Variants in IKBKE observed in about 807,000 individuals in gnomAD.
The protein encoded by IKBKE is inhibitor of nuclear factor kappa B kinase subunit epsilon.
In IKBKE, 45 loss-of-function variants were observed where a neutral mutation model predicts 92.1. That is an observed-to-expected ratio of 0.49 (90% confidence interval 0.38 to 0.63). The LOEUF (loss-of-function observed/expected upper bound fraction) is 0.63. Ranked by LOEUF, IKBKE falls within the 20% of genes least tolerant of loss-of-function variation. The pLI is 0.00. For synonymous variants in IKBKE, 374 were observed against 380.3 expected (o/e 0.98, Z 0.19); for missense variants, 700 against 932.8 (o/e 0.75, Z 3.25).
In IKBKE at chr1:206,493,051, C is replaced by T. The variant is rs367815847; in HGVS notation, c.1864C>T (p.Arg622Cys). 27 of 1,581,672 alleles carry T rather than the reference C, an allele frequency of 1.7e-5. No individual in the cohort carries two copies. The highest frequency in any genetic ancestry group is 3.4e-5 in the South Asian group (3 of 87,306). The part of the protein sequence containing the change: ...RVVHETRNHL[R>C]LVGCSVAACN... The stretch of plus-strand genomic sequence containing the variant: ...GGTGCACGAGACCAGGAACCACCTG[C>T]GCCTGGTTGGCTGTTCTGTGGCTGC... Residue 622 changes from arginine (R) to cysteine (C), a missense_variant, in exon 19 of 22, where the codon CGC (arginine) becomes TGC (cysteine). Physicochemically the swap from Arg to Cys is radical, Grantham distance 180 (BLOSUM62 -3). Transcript: ENST00000581977.
chr1:206,474,918 G>A lies in IKBKE; in HGVS notation c.282G>A (p.Leu94=), dbSNP rs782599155. 6.2e-7 allele frequency: 1 copy of A among 1,614,118 alleles called. No homozygotes were observed. Among genetic ancestry groups the A allele is most frequent in the Non-Finnish European group, 8.5e-7 (1 of 1,179,980 alleles). Residue 94 remains leucine (L), a synonymous_variant, in exon 5 of 22, where the codon CTG becomes CTA. Transcript: ENST00000581977. ...LVMEYCSSGS[L]LSVLESPENA... ...TGGAGTACTGCTCCAGTGGGAGCCT[G>A]CTGAGTGTGCTGGAGAGCCCTGAGA...
At chr1:206,480,341 G>C in intron 12 of IKBKE, 106 bp from the exon 13 acceptor site, 4 of 976,210 alleles carry the variant, frequency 4.1e-6, no homozygotes, top group Non-Finnish European at 6.3e-6. Context: ...CAGGCCAGAG[G>C]GGGAGGCCGG....
At chr1:206,480,926 A>G (rs2151222) in intron 13 of IKBKE, among the ~76,000 whole-genome samples, 43,073 of 152,096 alleles carry the variant, frequency 0.28, 6,664 homozygotes, top group East Asian at 0.63. Flanking sequence ...GGATGTGACC[A>G]GGGATGGAGA....
chr1:206,480,584 C>T (rs782702523), intron 13 of IKBKE, 51 bp downstream of exon 13: 1 of 1,302,322 alleles, frequency 7.7e-7, no homozygotes, highest in African/African-American at 1.5e-5. Flanking sequence ...GCCTTGTCTG[C>T]TCCTCACCCT....
intron 21 of IKBKE, 55 bp downstream of exon 21, chr1:206,494,046 C>T: frequency 1.0e-5 from 15 of 1,502,724 alleles, no homozygotes; most frequent in Non-Finnish European, 1.3e-5. Flanking sequence ...CTACCCTTGC[C>T]TGGGGGTGGT....
rs782568009 is a variant in IKBKE, at chr1:206,493,359, C to A, written c.2026C>A (p.Arg676=). 1.9e-6 allele frequency: 3 copies of A among 1,613,462 alleles called. No homozygotes were observed. Among genetic ancestry groups the A allele is most frequent in the Admixed American group, 3.3e-5 (2 of 60,030 alleles). ...CATAGCTCCTTACCCCAGCCCTACA[C>A]GAAAGGACCTGCTTCTCCAGTAAGT... ...PPIAPYPSPT[R]KDLLLHMQEL... is the part of the protein sequence containing the mutation. The change falls in exon 20 of 22, where the codon CGA becomes AGA. Residue 676 remains arginine (R), a synonymous_variant. Coordinates refer to ENST00000581977, the MANE Select transcript of IKBKE (RefSeq NM_014002.4).
At position 206,474,309 on chromosome 1, in the gene IKBKE, A is replaced by T. The variant is rs201633727; in HGVS notation, c.88-22A>T. The T allele has an allele frequency of 9.5e-5, 153 of 1,605,082 alleles. No individual in the cohort carries two copies. In the Middle Eastern group the frequency reaches 4.1e-3, roughly 43 times the overall value. On this transcript the variant is annotated intron_variant, in intron 3 of 21. Transcript: ENST00000581977. ...ATGTGCTAATCCCATGCTGTCTCCC[A>T]CTGCTCCCTCCCCAATGGCAGAAAT... is the stretch of plus-strand genomic sequence containing the variant.
At chr1:206,492,355 C>T (rs1403192263) in intron 18 of IKBKE, 4 of 428,038 alleles carry the variant, frequency 9.3e-6, no homozygotes, top group African/African-American at 4.1e-5. Flanking sequence ...GACAATTTCC[C>T]ACGTGCTACC....
intron 7 of IKBKE, among the ~76,000 whole-genome samples, chr1:206,477,216 C>T (rs1268384831): frequency 6.6e-6 from 1 of 152,110 alleles, no homozygotes; most frequent in South Asian, 2.1e-4. Context: ...TTTGTGCCAT[C>T]GGACAGGGAA....
rs1558473842 is a variant in IKBKE at position 206,476,019 on chromosome 1, GC to G, written c.359-158del. Among the ~76,000 whole-genome samples, 3 of 151,940 alleles carry G rather than the reference GC, an allele frequency of 2.0e-5. No individual in the cohort carries two copies. Among genetic ancestry groups the G allele is most frequent in the African/African-American group, 7.3e-5 (3 of 41,350 alleles). ...CTAGTGTCCTTGAGATGCCCCCTAAGCCCCATGCATGTCTCTGTCCTTCTGC... is the reference window on the plus strand; with the variant it reads ...CTAGTGTCCTTGAGATGCCCCCTAAGCCCATGCATGTCTCTGTCCTTCTGC... On this transcript the variant is annotated intron_variant, in intron 5 of 21. Transcript: ENST00000581977. This position sits in a 1 kb window ranked among gnomAD's most constrained non-coding sequence, Gnocchi z 5.1.
At chr1:206,480,385 C>A in intron 12 of IKBKE, 62 bp from the exon 13 acceptor site, 2 of 1,355,398 alleles carry the variant, frequency 1.5e-6, no homozygotes, top group South Asian at 2.4e-5. Context: ...GGGATGCTGT[C>A]TGCATGCACG....
Position 206,480,094 on chromosome 1 carries a change from C to T in IKBKE, c.1321C>T (p.Arg441Trp), listed in dbSNP as rs782340929. The change falls in exon 12 of 22, where the codon CGG becomes TGG. Residue 441 changes from arginine to tryptophan, a missense_variant. Coordinates refer to ENST00000581977, the MANE Select transcript of IKBKE (RefSeq NM_014002.4). ...ALLDGQELMF[R>W]GLHWVMEVLQ... Reference sequence around the variant, plus strand: ...GCTGGATGGGCAGGAGCTAATGTTTCGGGGGCTGCACTGGGTCATGTGAGT... The same window carrying T: ...GCTGGATGGGCAGGAGCTAATGTTTTGGGGGCTGCACTGGGTCATGTGAGT... 1.1e-5 allele frequency: 18 copies of T among 1,583,470 alleles called. No individual in the cohort carries two copies. The highest frequency in any genetic ancestry group is 1.5e-5 in the Non-Finnish European group (17 of 1,167,876).
intron 5 of IKBKE, among the ~76,000 whole-genome samples, chr1:206,475,751 A>C (rs1665031104): frequency 6.6e-6 from 1 of 151,928 alleles, no homozygotes; most frequent in South Asian, 2.1e-4. Flanking sequence ...AAAAAAAAAA[A>C]AATTGGAGAA....
At chr1:206,491,866 G>T in intron 18 of IKBKE, 117 bp downstream of exon 18, 1 of 708,704 alleles carries the variant, frequency 1.4e-6, no homozygotes, top group Non-Finnish European at 2.5e-6. Flanking sequence ...GAAGGGGTGT[G>T]AGCAGAGGAG....
Position 206,470,597 on chromosome 1 carries a change from AC to A in IKBKE, c.-222del. ...CTGTGGGTCCTAGGGGCCCTTGGCT[AC>A]CAGGAGGCTAAGAACACTGCTCATG... is the stretch of plus-strand genomic sequence containing the variant. On this transcript the variant is annotated 5_prime_UTR_variant, in exon 1 of 22. Transcript: ENST00000581977. 1 of 152,404 alleles carries A rather than the reference AC, an allele frequency of 6.6e-6. No homozygotes were observed. Among genetic ancestry groups the A allele is most frequent in the East Asian group, 1.9e-4 (1 of 5,178 alleles). 9.4% of individuals were successfully genotyped at this position (152,404 alleles called of 1,614,324 possible). A position where few individuals can be genotyped will look rare whatever the true frequency, so the allele number is the denominator to read the frequency against.
chr1:206,492,580 A>G (rs1553390734), intron 18 of IKBKE: 1 of 472,284 alleles, frequency 2.1e-6, no homozygotes, highest in Admixed American at 2.3e-5. Context: ...CCCCTGATTT[A>G]ACAGCTCTGG....
chr1:206,494,608 T>C (rs1666131300), intron 21 of IKBKE, among the ~76,000 whole-genome samples: 1 of 134,062 alleles, frequency 7.5e-6, no homozygotes, highest in East Asian at 2.1e-4. Flanking sequence ...TTTTTTTTTT[T>C]TTTTTTTTTT....
chr1:206,473,303 G>A lies in IKBKE; in HGVS notation c.76G>A (p.Ala26Thr), dbSNP rs1553384294. The A allele has an allele frequency of 1.2e-6, 2 of 1,612,228 alleles. No individual in the cohort carries two copies. The highest frequency in any genetic ancestry group is 2.7e-5 in the African/African-American group (2 of 74,888). ...GQGATASVYKARNKKSGELVA... is the reference protein window; with the variant it reads ...GQGATASVYKTRNKKSGELVA... ...GGGGGCCACTGCCAGTGTGTACAAG[G>A]CCCGCAACAAGGTAGGAAGCAACCC... Residue 26 changes from alanine (A) to threonine (T), a missense_variant, in exon 3 of 22, where the codon GCC (alanine) becomes ACC (threonine). Ala to Thr is a moderately conservative substitution (Grantham distance 58). Coordinates refer to ENST00000581977, the MANE Select transcript of IKBKE (RefSeq NM_014002.4).
chr1:206,483,528 T>C (rs1665507703), intron 13 of IKBKE, among the ~76,000 whole-genome samples: 1 of 152,208 alleles, frequency 6.6e-6, no homozygotes, highest in South Asian at 2.1e-4. Context: ...CTGCAGTTCA[T>C]TCCTGATTCT....
Sources: gnomAD v4.1 joint callset for allele counts (sites outside exome capture counted in the v4.1 genomes callset) on GRCh38, gnomAD v4.1.1 for gene constraint, Gnocchi (gnomAD v3.1) non-coding constraint, MANE v1.5 for transcripts, NCBI Gene and HGNC (gene_info 2026-07-23, HGNC 2026-07-21) for gene names.